The following ZFYVE21 variants were observed in gnomAD, a reference collection of about 807,000 sequenced individuals.
The protein encoded by ZFYVE21 is zinc finger FYVE-type containing 21.
A neutral mutation model predicts 29.5 loss-of-function variants in ZFYVE21; 21 were observed. The observed-to-expected ratio is 0.71, with a 90% CI of 0.50 to 1.02. The LOEUF (loss-of-function observed/expected upper bound fraction) is 1.02, where lower values mean the gene tolerates loss of function less well. Among genes scored for constraint, ZFYVE21 ranks in the 50% least tolerant of loss-of-function variants. The pLI, the probability that ZFYVE21 is intolerant of heterozygous loss-of-function variation, is 0.00. For missense variants in ZFYVE21, 326 were observed against 335.4 expected (o/e 0.97, Z 0.22); for synonymous variants, 151 against 133.8 (o/e 1.13, Z -0.89).
Position 103,728,963 on chromosome 14 carries a change from T to C in ZFYVE21, c.414T>C (p.Cys138=). The change falls in exon 4 of 7, where the codon TGT becomes TGC. Residue 138 remains cysteine, a synonymous_variant. Transcript: ENST00000311141. ...CAGAGAAACCTGAAACTATGACTTG[T>C]CGTCTTTCCAATAACCAGAGGTAAG... ...GNSEKPETMT[C]RLSNNQRYLF... is the part of the protein sequence containing the mutation. The C allele has an allele frequency of 6.2e-7, 1 of 1,614,034 alleles. No individual in the cohort carries two copies. Among genetic ancestry groups the C allele is most frequent in the Non-Finnish European group, 8.5e-7 (1 of 1,179,996 alleles).
chr14:103,729,874 C>G, intron 5 of ZFYVE21: 1 of 1,535,770 alleles, frequency 6.5e-7, no homozygotes, highest in Non-Finnish European at 8.7e-7. Flanking sequence ...CACCGGGGCT[C>G]CCCGCATGCA....
intron 5 of ZFYVE21, chr14:103,730,086 A>G (rs1236862828): frequency 3.7e-6 from 2 of 545,136 alleles, no homozygotes. Flanking sequence ...TTACCCAGCA[A>G]TTGACAGCTC....
Position 103,733,307 on chromosome 14 carries a change from A to G in ZFYVE21, c.*289A>G, listed in dbSNP as rs1333966995. The G allele has an allele frequency of 2.7e-6, 1 of 371,064 alleles. No homozygotes were observed. The highest frequency in any genetic ancestry group is 4.9e-6 in the Non-Finnish European group (1 of 202,444). 23.0% of individuals were successfully genotyped at this position (371,064 alleles called of 1,614,324 possible). ...TGCTAAACTATTTTTAGCATAATAT[A>G]TACCATTTTTATGAGTTCGCAGGTC... On this transcript the variant is annotated 3_prime_UTR_variant, in exon 7 of 7. Transcript: ENST00000311141.
rs1269719362 is a variant in ZFYVE21 at position 103,727,982 on chromosome 14, T to A, written c.358+68T>A. Reference sequence around the variant, plus strand: ...CGGCTCCTCGTGTCTGTGGCGATGCTGTGGGCTGTGCACGGGGCGTTCTGC... The same window carrying A: ...CGGCTCCTCGTGTCTGTGGCGATGCAGTGGGCTGTGCACGGGGCGTTCTGC... On this transcript the variant is annotated intron_variant, in intron 3 of 6. Coordinates refer to ENST00000311141, the MANE Select transcript of ZFYVE21 (RefSeq NM_024071.4). 9 of 1,513,820 alleles carry A rather than the reference T, an allele frequency of 5.9e-6. No individual in the cohort carries two copies. In the East Asian group the frequency reaches 1.9e-4, roughly 32 times the overall value. 93.8% of individuals were successfully genotyped at this position (1,513,820 alleles called of 1,614,324 possible).
At chr14:103,729,521 AAAAAGGTCTG>A (rs2083956427) in intron 5 of ZFYVE21, 1 of 578,276 alleles carries the variant, frequency 1.7e-6, no homozygotes, top group Non-Finnish European at 3.0e-6. Context: ...TGAGATCCCC[AAAAAGGTCTG>A]AATGGTGGCT....
chr14:103,727,495 TGAAA>T lies in ZFYVE21; in HGVS notation c.190-245_190-242del, dbSNP rs1227214721. 6.2e-6 allele frequency: 4 copies of T among 645,476 alleles called. No homozygotes were observed. In the East Asian group the frequency reaches 1.2e-4, roughly 20 times the overall value. The allele number at this position is 645,476 out of a possible 1,614,324, so 40.0% of individuals were successfully genotyped here. The stretch of plus-strand genomic sequence containing the variant: ...TCCTAAGCAGTGGGACTTGGGTAGT[TGAAA>T]GAAAGCTGAAAAACAGCCATTTTGA... On this transcript the variant is annotated intron_variant, in intron 2 of 6. Transcript: ENST00000311141.
chr14:103,732,771 G>A lies in ZFYVE21; in HGVS notation c.669+9G>A, dbSNP rs1175217696. ...TAGTGGCCATGCACAAGGTACCTGA[G>A]CCCAGGCCAGGGAGGCTGGGCCCTT... On this transcript the variant is annotated intron_variant, in intron 6 of 6. Transcript: ENST00000311141. The A allele has an allele frequency of 1.9e-6, 3 of 1,611,192 alleles. No homozygotes were observed. The highest frequency in any genetic ancestry group is 2.5e-6 in the Non-Finnish European group (3 of 1,179,010).
intron 1 of ZFYVE21, among the ~76,000 whole-genome samples, chr14:103,723,246 G>T (rs1015923417): frequency 4.6e-5 from 7 of 152,234 alleles, no homozygotes; most frequent in African/African-American, 1.7e-4. Flanking sequence ...GGTCAGGGAA[G>T]GGGCCACCAC....
intron 1 of ZFYVE21, among the ~76,000 whole-genome samples, chr14:103,719,602 T>C (rs896011018): frequency 4.0e-5 from 6 of 151,106 alleles, no homozygotes; most frequent in Admixed American, 4.0e-4. Context: ...CTCCTCTGGC[T>C]CGTATGGGGA....
intron 3 of ZFYVE21, among the ~76,000 whole-genome samples, chr14:103,728,303 C>T (rs577755943): frequency 6.6e-6 from 1 of 152,332 alleles, no homozygotes; most frequent in South Asian, 2.1e-4. Flanking sequence ...TTTGAGCCAT[C>T]TCTGGGGACC....
chr14:103,728,854 G>A (rs1282560852), intron 3 of ZFYVE21, 54 bp from the exon 4 acceptor site: 1 of 1,577,210 alleles, frequency 6.3e-7, no homozygotes, highest in Non-Finnish European at 8.7e-7. Flanking sequence ...CGTGGGAAGG[G>A]TTAGGTGGAA....
intron 1 of ZFYVE21, among the ~76,000 whole-genome samples, chr14:103,720,002 C>T (rs898025887): frequency 6.6e-6 from 1 of 152,092 alleles, no homozygotes; most frequent in Non-Finnish European, 1.5e-5. Context: ...CACCTGTCAC[C>T]GTCTTCAAAC....
chr14:103,729,039 G>C, intron 4 of ZFYVE21, 52 bp from the exon 5 acceptor site: 1 of 1,613,514 alleles, frequency 6.2e-7, no homozygotes, highest in Non-Finnish European at 8.5e-7. Context: ...CGGGAGCCTC[G>C]GTGGCACTGA....
rs765274457 is a variant in ZFYVE21, at chr14:103,732,779, C to G, written c.669+17C>G. 1.9e-6 allele frequency: 3 copies of G among 1,609,490 alleles called. No homozygotes were observed. The highest frequency in any genetic ancestry group is 2.5e-6 in the Non-Finnish European group (3 of 1,178,366). On this transcript the variant is annotated intron_variant, in intron 6 of 6. Transcript: ENST00000311141. ...ATGCACAAGGTACCTGAGCCCAGGC[C>G]AGGGAGGCTGGGCCCTTTGGCTTAG... is the stretch of plus-strand genomic sequence containing the variant.
intron 1 of ZFYVE21, among the ~76,000 whole-genome samples, chr14:103,720,918 G>A (rs1054910467): frequency 1.8e-4 from 28 of 152,164 alleles, no homozygotes; most frequent in African/African-American, 6.8e-4. Context: ...CACCTCCCGG[G>A]TTCAAGCCAT....
chr14:103,732,532 G>A (rs2151953966), intron 5 of ZFYVE21, 88 bp from the exon 6 acceptor site: 1 of 1,461,706 alleles, frequency 6.8e-7, no homozygotes, highest in East Asian at 2.4e-5. Flanking sequence ...CACAAGGTTA[G>A]GATGTGCTGG....
chr14:103,732,845 C>T (rs1005993030), intron 6 of ZFYVE21, 83 bp downstream of exon 6: 5 of 1,599,248 alleles, frequency 3.1e-6, no homozygotes, highest in Non-Finnish European at 3.4e-6. Flanking sequence ...TGTGTCCTGC[C>T]ATTTGCCCCC....
Position 103,733,010 on chromosome 14 carries a change from G to A in ZFYVE21, c.697G>A (p.Asp233Asn). The A allele has an allele frequency of 6.2e-7, 1 of 1,614,102 alleles. No homozygotes were observed. The highest frequency in any genetic ancestry group is 8.5e-7 in the Non-Finnish European group (1 of 1,180,042). The change falls in exon 7 of 7, where the codon GAC becomes AAC. Residue 233 changes from aspartate (D) to asparagine (N), a missense_variant. By Grantham distance (23) the Asp-to-Asn change is conservative. Coordinates refer to ENST00000311141, the MANE Select transcript of ZFYVE21 (RefSeq NM_024071.4). ...KAAKLLYESR[D>N]Q ...TGCCAAGCTCCTCTATGAATCTCGG[G>A]ACCAGTAACTCTACGTGGGGCTGAG... is the stretch of plus-strand genomic sequence containing the variant.
intron 4 of ZFYVE21, 27 bp from the exon 5 acceptor site, chr14:103,729,064 C>T (rs751281871): frequency 1.2e-5 from 20 of 1,613,732 alleles, no homozygotes; most frequent in Middle Eastern, 1.6e-4. Flanking sequence ...GAGAATGACC[C>T]GATTTGGACA....
Sources: gnomAD v4.1 joint callset for allele counts (sites outside exome capture counted in the v4.1 genomes callset) on GRCh38, gnomAD v4.1.1 for gene constraint, MANE v1.5 for transcripts, NCBI Gene and HGNC (gene_info 2026-07-23, HGNC 2026-07-21) for gene names.